ZNF217: variants seen among roughly 807,000 people sequenced by gnomAD.
ZNF217 encodes the protein zinc finger protein 217.
Under a neutral mutation model 73.3 loss-of-function variants are expected in ZNF217, and 12 were observed. The ratio of observed to expected loss-of-function variants is 0.16; its 90% CI spans 0.10 to 0.27. ZNF217 has a LOEUF of 0.27. ZNF217 is among the 10% of genes least tolerant of loss of function. The pLI is 1.00. For missense variants in ZNF217, 1,195 were observed against 1,327.8 expected, an observed-to-expected ratio of 0.90 and a Z score of 1.55; for synonymous variants, 588 against 516.4, an observed-to-expected ratio of 1.14 and a Z score of -1.88.
At chr20:53,594,416 T>C (rs1989001172), upstream of ZNF217, among the ~76,000 whole-genome samples, 1 of 141,284 alleles carries the variant, frequency 7.1e-6, no homozygotes, top group East Asian at 2.2e-4. Context: ...CCCACGTGAC[T>C]AGCATAGGCG....
intron 4 of ZNF217, chr20:53,575,492 A>C (rs769844709): frequency 5.2e-5 from 23 of 442,238 alleles, no homozygotes; most frequent in African/African-American, 1.0e-4. Flanking sequence ...AGTAAGACTA[A>C]ACAAATCAAA....
chr20:53,572,380 C>G (rs866469636), intron 4 of ZNF217, among the ~76,000 whole-genome samples: 1 of 151,814 alleles, frequency 6.6e-6, no homozygotes, highest in African/African-American at 2.4e-5. Context: ...CCCCACTGCA[C>G]TCCAGCCTGG....
intron 4 of ZNF217, chr20:53,575,019 C>T (rs1350971762): frequency 6.6e-6 from 1 of 152,072 alleles, no homozygotes; most frequent in Non-Finnish European, 1.5e-5. Context: ...ATCACTCTCA[C>T]AACAGAAAAA....
intron 4 of ZNF217, among the ~76,000 whole-genome samples, chr20:53,573,979 A>G (rs1988130467): frequency 6.6e-6 from 1 of 152,040 alleles, no homozygotes; most frequent in Non-Finnish European, 1.5e-5. Flanking sequence ...CTGAGGTAGG[A>G]GAACTGCTTG....
In ZNF217 at chr20:53,568,750, TA is replaced by T. The variant is rs76243761; in HGVS notation, c.*537del. ...ACATAATACAAAATCATTGACAGTT[TA>T]AAAAAAAAAAAACATACATTTTAAA... On this transcript the variant is annotated 3_prime_UTR_variant, in exon 6 of 6. Transcript: ENST00000371471. The T allele has an allele frequency of 0.031, 4,396 of 142,692 alleles. 195 individuals carry two copies. Among genetic ancestry groups the T allele is most frequent in the African/African-American group, 0.1 (3,898 of 39,112 alleles). The allele number at this position is 142,692 out of a possible 1,614,324, so 8.8% of individuals were successfully genotyped here.
chr20:53,584,534 A>G (rs1323604120), intron 1 of ZNF217, among the ~76,000 whole-genome samples: 1 of 152,246 alleles, frequency 6.6e-6, no homozygotes, highest in African/African-American at 2.4e-5. Flanking sequence ...CTTTGTTGCT[A>G]TCACAATGGA....
chr20:53,597,109 A>AAAAAAAAAAAAAC (rs1568696450), upstream of ZNF217, among the ~76,000 whole-genome samples: 3 of 138,726 alleles, frequency 2.2e-5, no homozygotes, highest in Non-Finnish European at 3.1e-5. Context: ...AAAAAAAAAA[A>AAAAAAAAAAAAAC]AAAACTTCTG....
At position 53,576,905 on chromosome 20, in the gene ZNF217, G is replaced by C. The variant is rs1020842950; in HGVS notation, c.1859C>G (p.Pro620Arg). ...SADKVNKNPT[P>R]AYLDLLKKRS... ...CTTTTTTAACAGGTCCAGGTAAGCA[G>C]GGGTAGGGTTTTTATTCACTTTATC... The change falls in exon 4 of 6, where the codon CCT becomes CGT. Residue 620 changes from proline to arginine, a missense_variant. Physicochemically the swap from Pro to Arg is moderately radical, Grantham distance 103. Around this residue, in one of 9 missense-constraint regions of ZNF217, gnomAD observed 649 missense variants for 642.8 expected, o/e 1.01. Transcript: ENST00000371471. 2 of 1,614,058 alleles carry C rather than the reference G, an allele frequency of 1.2e-6. No individual in the cohort carries two copies. Among genetic ancestry groups the C allele is most frequent in the Non-Finnish European group, 1.7e-6 (2 of 1,180,050 alleles).
At chr20:53,578,086 G>A (rs1007088045) in intron 3 of ZNF217, among the ~76,000 whole-genome samples, 3 of 151,874 alleles carry the variant, frequency 2.0e-5, no homozygotes, top group Admixed American at 6.6e-5. Context: ...CACTCCAGCC[G>A]AGGTGACAGA....
At chr20:53,569,791 T>G (rs1260789695) in intron 5 of ZNF217, among the ~76,000 whole-genome samples, 1 of 152,154 alleles carries the variant, frequency 6.6e-6, no homozygotes, top group African/African-American at 2.4e-5. Flanking sequence ...CTGAGATGAC[T>G]TAACCAAGAA....
chr20:53,591,918 T>G (rs968359511), intron 1 of ZNF217, among the ~76,000 whole-genome samples: 1 of 152,188 alleles, frequency 6.6e-6, no homozygotes, highest in Non-Finnish European at 1.5e-5. Flanking sequence ...AATAAGAACA[T>G]TGTAAATCTC....
At position 53,576,025 on chromosome 20, in the gene ZNF217, A is replaced by G. The variant is rs374046123; in HGVS notation, c.2739T>C (p.Gly913=). 1.4e-5 allele frequency: 22 copies of G among 1,614,086 alleles called. No individual in the cohort carries two copies. Among genetic ancestry groups the G allele is most frequent in the Admixed American group, 3.3e-5 (2 of 60,010 alleles). ...ACTTCAGTCTTTTTGGAAGGGGCTC[A>G]CCAAATTCTGCTGCAGTATTGCTGG... is the stretch of plus-strand genomic sequence containing the variant. ...RSASNTAAEF[G]EPLPKRLKSS... is the part of the protein sequence containing the mutation. Residue 913 remains glycine (G), a synonymous_variant, in exon 4 of 6, where the codon GGT becomes GGC. Transcript: ENST00000371471.
At chr20:53,584,323 T>C (rs1453580022) in intron 1 of ZNF217, among the ~76,000 whole-genome samples, 2 of 152,216 alleles carry the variant, frequency 1.3e-5, no homozygotes, top group Non-Finnish European at 2.9e-5. Flanking sequence ...CCTCCCTCTC[T>C]CTACTTCCTT....
chr20:53,582,260 C>G lies in ZNF217; in HGVS notation c.567G>C (p.Gln189His). 1 of 1,614,202 alleles carries G rather than the reference C, an allele frequency of 6.2e-7. No individual in the cohort carries two copies. The highest frequency in any genetic ancestry group is 8.5e-7 in the Non-Finnish European group (1 of 1,180,044). ...NGKSGARSKL[Q>H]QGLESSPATI... is the part of the protein sequence containing the mutation. The stretch of plus-strand genomic sequence containing the variant: ...TTGCTGGACTACTCTCCAAGCCTTG[C>G]TGCAGTTTGCTTCTGGCCCCCGATT... The change falls in exon 2 of 6, where the codon CAG becomes CAC. Residue 189 changes from glutamine to histidine, a missense_variant. Coordinates refer to ENST00000371471, the MANE Select transcript of ZNF217 (RefSeq NM_006526.3). This position sits in a 1 kb window ranked among gnomAD's most constrained non-coding sequence, Gnocchi z 4.8.
In ZNF217 at chr20:53,582,029, C is replaced by G; in HGVS notation, c.798G>C (p.Leu266=). 1 of 1,614,230 alleles carries G rather than the reference C, an allele frequency of 6.2e-7. No homozygotes were observed. Among genetic ancestry groups the G allele is most frequent in the East Asian group, 2.2e-5 (1 of 44,882 alleles). ...ATTTTGGTCTCAAGTTGAACAACTG[C>G]AGGAAGTCCTCCCTCGAGGACGGCA... ...GGMPSSREDF[L]QLFNLRPKSH... is the part of the protein sequence containing the mutation. The change falls in exon 2 of 6, where the codon CTG becomes CTC. Residue 266 remains leucine (L), a synonymous_variant. Transcript: ENST00000371471. The surrounding 1 kb of genome is among the most constrained non-coding windows in gnomAD (Gnocchi z 4.8).
intron 1 of ZNF217, among the ~76,000 whole-genome samples, chr20:53,591,160 G>C (rs896582059): frequency 6.6e-6 from 1 of 151,998 alleles, no homozygotes; most frequent in Non-Finnish European, 1.5e-5. Context: ...CTTTTTTTGA[G>C]TAAGAAGTGA....
At position 53,581,709 on chromosome 20, in the gene ZNF217, T is replaced by C. The variant is rs904540464; in HGVS notation, c.1118A>G (p.Lys373Arg). Residue 373 changes from lysine (K) to arginine (R), a missense_variant, in exon 2 of 6, where the codon AAG becomes AGG. Transcript: ENST00000371471. This position sits in a 1 kb window ranked among gnomAD's most constrained non-coding sequence, Gnocchi z 4.9. ...ADPKLPSSKE[K>R]PTHCSECGKA... is the part of the protein sequence containing the mutation. ...GCCGCACTCGGAGCAGTGAGTGGGC[T>C]TCTCCTTGCTACTGGGTAACTTGGG... 1 of 1,614,250 alleles carries C rather than the reference T, an allele frequency of 6.2e-7. No homozygotes were observed. The highest frequency in any genetic ancestry group is 8.5e-7 in the Non-Finnish European group (1 of 1,180,038).
rs1180621440 is a variant in ZNF217 at position 53,568,757 on chromosome 20, A to T, written c.*531T>A. The T allele has an allele frequency of 1.3e-5, 2 of 152,948 alleles. No individual in the cohort carries two copies. The highest frequency in any genetic ancestry group is 3.8e-4 in the East Asian group (2 of 5,222). The allele number at this position is 152,948 out of a possible 1,614,324, so 9.5% of individuals were successfully genotyped here. A position where few individuals can be genotyped will look rare whatever the true frequency, so the allele number is the denominator to read the frequency against. ...ACAAAATCATTGACAGTTTAAAAAA[A>T]AAAAAACATACATTTTAAATGAAAG... is the stretch of plus-strand genomic sequence containing the variant. On this transcript the variant is annotated 3_prime_UTR_variant, in exon 6 of 6. Transcript: ENST00000371471.
chr20:53,585,094 T>TTAAA, intron 1 of ZNF217, among the ~76,000 whole-genome samples: 1 of 74,596 alleles, frequency 1.3e-5, no homozygotes, highest in African/African-American at 6.8e-5. Flanking sequence ...AGTGAGAATT[T>TTAAA]GAAAAAAAAA....
Sources: gnomAD v4.1 joint callset for allele counts (sites outside exome capture counted in the v4.1 genomes callset) on GRCh38, gnomAD v4.1.1 for gene constraint, gnomAD v4.1.1 regional missense constraint, Gnocchi (gnomAD v3.1) non-coding constraint, MANE v1.5 for transcripts, NCBI Gene and HGNC (gene_info 2026-07-23, HGNC 2026-07-21) for gene names.